UBR3: variants seen among roughly 807,000 people sequenced by gnomAD.
The protein encoded by UBR3 is E3 ubiquitin-protein ligase UBR3.
In UBR3, 85 loss-of-function variants were observed where a neutral mutation model predicts 243.2. That is an observed-to-expected ratio of 0.35 (90% CI 0.29 to 0.42). UBR3 has a LOEUF of 0.42. Ranked by LOEUF, UBR3 falls within the 10% of genes least tolerant of loss-of-function variation. UBR3 has a pLI of 1.00. For missense variants in UBR3, 1,686 were observed against 2,300.8 expected (o/e 0.73, Z 5.47); for synonymous variants, 748 against 799.8 (o/e 0.94, Z 1.09).
intron 24 of UBR3, among the ~76,000 whole-genome samples, chr2:169,975,811 A>C (rs1326495027): frequency 1.3e-5 from 2 of 152,126 alleles, no homozygotes; most frequent in South Asian, 4.1e-4. Context: ...CTAAAAAAAC[A>C]AACAGGAATT....
intron 5 of UBR3, among the ~76,000 whole-genome samples, chr2:169,881,845 A>G (rs2083854141): frequency 7.3e-6 from 1 of 136,176 alleles, no homozygotes; most frequent in South Asian, 2.2e-4. Context: ...ATACATGTAT[A>G]CATATACGTA....
chr2:169,918,232 G>C (rs1334227658), intron 11 of UBR3, among the ~76,000 whole-genome samples: 2 of 151,750 alleles, frequency 1.3e-5, no homozygotes, highest in Non-Finnish European at 2.9e-5. Context: ...AGTGTAAATT[G>C]TGGCTCTGCC....
chr2:169,924,313 A>G (rs2085821100), intron 13 of UBR3, 140 bp downstream of exon 13: 1 of 663,192 alleles, frequency 1.5e-6, no homozygotes, highest in Non-Finnish European at 2.5e-6. Context: ...TATTTTTGCT[A>G]GATTATGTTT....
At chr2:169,954,585 T>C (rs1280102122) in intron 23 of UBR3, among the ~76,000 whole-genome samples, 1 of 148,230 alleles carries the variant, frequency 6.7e-6, no homozygotes, top group Non-Finnish European at 1.5e-5. Context: ...TTTTTTTTTT[T>C]TCGTTTTTGA....
chr2:169,892,024 C>T (rs1413931732), intron 6 of UBR3, among the ~76,000 whole-genome samples: 2 of 152,154 alleles, frequency 1.3e-5, no homozygotes, highest in African/African-American at 4.8e-5. Flanking sequence ...AAATAAATTT[C>T]TTACTTCTGC....
In UBR3 at chr2:169,872,243, A is replaced by G; in HGVS notation, c.553A>G (p.Lys185Glu). The change falls in exon 2 of 39, where the codon AAA (lysine) becomes GAA (glutamate). Residue 185 changes from lysine (K) to glutamate (E), a missense_variant. Lys to Glu is a moderately conservative substitution (Grantham distance 56). Transcript: ENST00000272793. The stretch of plus-strand genomic sequence containing the variant: ...TTCTTTTTCATATTACAGGTTTTGC[A>G]AAAGGCATCAAATTAAATCAAGTTC... ...SNVMRESGFC[K>E]RHQIKSSSNI... The G allele has an allele frequency of 6.6e-7, 1 of 1,519,816 alleles. No homozygotes were observed. The allele number at this position is 1,519,816 out of a possible 1,614,324, so 94.1% of individuals were successfully genotyped here.
chr2:169,850,448 G>T (rs2082619663), intron 1 of UBR3, among the ~76,000 whole-genome samples: 1 of 152,184 alleles, frequency 6.6e-6, no homozygotes, highest in Non-Finnish European at 1.5e-5. Flanking sequence ...CAAAGTGGTG[G>T]GATTACAGGC....
chr2:169,843,466 C>A lies in UBR3; in HGVS notation c.545+15414C>A, dbSNP rs372937794. On this transcript the variant is annotated intron_variant, in intron 1 of 38. Transcript: ENST00000272793. ...CTAATCCATCTGAGAGGGCAGACCC[C>A]TAATGATGTAATCACTTCCCCAAAG... Among the ~76,000 whole-genome samples the A allele has an allele frequency of 2.0e-3, 311 of 152,282 alleles. 1 individual carries two copies. Among genetic ancestry groups the A allele is most frequent in the African/African-American group, 6.9e-3 (285 of 41,572 alleles).
chr2:169,927,522 G>T, intron 17 of UBR3, 117 bp downstream of exon 17: 2 of 769,510 alleles, frequency 2.6e-6, no homozygotes, highest in Non-Finnish European at 4.0e-6. Flanking sequence ...AAATAATATA[G>T]AAAAAGAAGA....
chr2:169,877,594 T>C lies in UBR3; in HGVS notation c.945T>C (p.Gly315=), dbSNP rs1047747512. ...LTYPEDKLVY[G]VQEPSAGTSS... ...ATCCTGAGGATAAGCTTGTATATGG[T>C]GTGCAGGAGCCATCTGCTGGTACTA... The change falls in exon 4 of 39, where the codon GGT becomes GGC. Residue 315 remains glycine, a synonymous_variant. Coordinates refer to ENST00000272793, the MANE Select transcript of UBR3 (RefSeq NM_172070.4). 6.5e-7 allele frequency: 1 copy of C among 1,548,926 alleles called. No homozygotes were observed. Among genetic ancestry groups the C allele is most frequent in the Non-Finnish European group, 8.7e-7 (1 of 1,146,468 alleles).
chr2:169,919,919 A>G (rs62170321), intron 11 of UBR3, among the ~76,000 whole-genome samples: 8,615 of 152,246 alleles, frequency 0.057, 294 homozygotes, highest in Non-Finnish European at 0.084. Flanking sequence ...TCAGGGATCT[A>G]GAACTAGAAA....
chr2:169,996,728 C>T (rs2089498299), intron 26 of UBR3, among the ~76,000 whole-genome samples: 5 of 133,804 alleles, frequency 3.7e-5, no homozygotes, highest in African/African-American at 1.4e-4. Context: ...GAGTCTCACT[C>T]CATCGCCAGG....
chr2:170,065,789 T>G (rs1282008822), intron 35 of UBR3, among the ~76,000 whole-genome samples: 1 of 152,152 alleles, frequency 6.6e-6, no homozygotes, highest in Non-Finnish European at 1.5e-5. Context: ...AACTTGCCTT[T>G]TTACTATTTT....
intron 8 of UBR3, 34 bp downstream of exon 8, chr2:169,896,769 T>C: frequency 7.0e-7 from 1 of 1,422,800 alleles, no homozygotes; most frequent in Non-Finnish European, 9.6e-7. Flanking sequence ...GTTCTATTAT[T>C]ATCAGTATTA....
Position 169,958,516 on chromosome 2 carries a change from A to G in UBR3, c.3624A>G (p.Ala1208=), listed in dbSNP as rs749143344. The G allele has an allele frequency of 1.9e-6, 3 of 1,612,580 alleles. No homozygotes were observed. The African/African-American group carries it at 4.0e-5, about 22-fold the overall frequency. The part of the protein sequence containing the change: ...ASRQKSFMET[A]MDVDSPENDI... ...GACAGAAAAGCTTTATGGAAACTGC[A>G]ATGGATGTTGGTAAGTCAAAATTAT... Residue 1208 remains alanine, a synonymous_variant, in exon 24 of 39, where the codon GCA becomes GCG. Transcript: ENST00000272793.
At chr2:169,910,341 C>G (rs6739481) in intron 10 of UBR3, among the ~76,000 whole-genome samples, 148,697 of 152,244 alleles carry the variant, frequency 0.98, 72,698 homozygotes, top group East Asian at 1. Flanking sequence ...CACGGAAGAC[C>G]GAGCCTCAGT....
At chr2:170,059,844 A>G (rs1574465046) in intron 33 of UBR3, among the ~76,000 whole-genome samples, 1 of 152,350 alleles carries the variant, frequency 6.6e-6, no homozygotes, top group Non-Finnish European at 1.5e-5. Flanking sequence ...TCCAAGGTCC[A>G]ATACTCCAAA....
chr2:170,053,139 G>A (rs1172832931), intron 32 of UBR3, among the ~76,000 whole-genome samples: 1 of 152,224 alleles, frequency 6.6e-6, no homozygotes, highest in East Asian at 1.9e-4. Flanking sequence ...TGCTTGCAAG[G>A]TTAGGCCTTG....
chr2:170,031,118 G>T (rs62172027), intron 31 of UBR3, among the ~76,000 whole-genome samples: 8,929 of 151,868 alleles, frequency 0.059, 319 homozygotes, highest in Non-Finnish European at 0.086. Context: ...TTTATTATTT[G>T]TTGTTTTAAA....
Sources: allele counts gnomAD v4.1 joint callset (sites outside exome capture counted in the v4.1 genomes callset), GRCh38; gene constraint gnomAD v4.1.1; transcripts MANE v1.5; gene names NCBI Gene and HGNC (gene_info 2026-07-23, HGNC 2026-07-21).